DRC11: variants seen among roughly 807,000 people sequenced by gnomAD.
DRC11 encodes dynein regulatory complex subunit 11.
At chr2:236,484,245 A>G in the DRC11 span, among the ~76,000 whole-genome samples, 1 of 152,236 alleles carries the variant, frequency 6.6e-6, no homozygotes, top group African/African-American at 2.4e-5. Context: ...GGCAAAATGT[A>G]TTTCAAATTG....
chr2:236,428,314 C>A, the DRC11 span, among the ~76,000 whole-genome samples: 1 of 152,042 alleles, frequency 6.6e-6, no homozygotes, highest in Non-Finnish European at 1.5e-5. Context: ...ATGATCTGTT[C>A]ATTGTTGAAA....
At chr2:236,431,357 C>T in the DRC11 span, among the ~76,000 whole-genome samples, 2 of 152,176 alleles carry the variant, frequency 1.3e-5, no homozygotes, top group East Asian at 1.9e-4. This position sits in a 1 kb window ranked among gnomAD's most constrained non-coding sequence, Gnocchi z 4.2. Flanking sequence ...GAAGCAAACA[C>T]GTCCTTCTTC....
the DRC11 span, among the ~76,000 whole-genome samples, chr2:236,473,845 G>C: frequency 6.6e-6 from 1 of 151,974 alleles, no homozygotes; most frequent in East Asian, 1.9e-4. This position sits in a 1 kb window ranked among gnomAD's most constrained non-coding sequence, Gnocchi z 4.8. Flanking sequence ...AATGCATGAT[G>C]ATGTCTCTTG....
At chr2:236,392,475 T>C in the DRC11 span, 13 of 548,008 alleles carry the variant, frequency 2.4e-5, no homozygotes, top group East Asian at 5.9e-5. The surrounding 1 kb of genome is among the most constrained non-coding windows in gnomAD (Gnocchi z 5.1). Flanking sequence ...CCTAACTTTA[T>C]ATGTTATTGC....
chr2:236,414,668 G>C, the DRC11 span, among the ~76,000 whole-genome samples: 1 of 152,014 alleles, frequency 6.6e-6, no homozygotes, highest in Non-Finnish European at 1.5e-5. Flanking sequence ...CTGAGCTGAA[G>C]ACGAACATCC....
chr2:236,408,651 T>A, the DRC11 span: 1 of 722,612 alleles, frequency 1.4e-6, no homozygotes, highest in Non-Finnish European at 2.6e-6. The surrounding 1 kb of genome is among the most constrained non-coding windows in gnomAD (Gnocchi z 5.5). Context: ...CTTCTTGCCA[T>A]CCATATTCTG....
chr2:236,440,181 T>G, the DRC11 span, among the ~76,000 whole-genome samples: 1 of 152,186 alleles, frequency 6.6e-6, no homozygotes, highest in South Asian at 2.1e-4. Context: ...TAATAGAAAT[T>G]CAAATAAAAT....
the DRC11 span, among the ~76,000 whole-genome samples, chr2:236,439,795 T>C: frequency 6.6e-6 from 1 of 152,194 alleles, no homozygotes; most frequent in Non-Finnish European, 1.5e-5. Flanking sequence ...GACATTTTTT[T>C]CCAACAGATT....
At chr2:236,447,000 C>G in the DRC11 span, among the ~76,000 whole-genome samples, 1 of 151,482 alleles carries the variant, frequency 6.6e-6, no homozygotes, top group East Asian at 1.9e-4. The surrounding 1 kb of genome is among the most constrained non-coding windows in gnomAD (Gnocchi z 6.2). Context: ...ATCAGACACT[C>G]CCCCGTAGAT....
chr2:236,343,103 G>A, the DRC11 span, among the ~76,000 whole-genome samples: 3 of 152,094 alleles, frequency 2.0e-5, no homozygotes, highest in Admixed American at 6.5e-5. The surrounding 1 kb of genome is among the most constrained non-coding windows in gnomAD (Gnocchi z 6.6). Context: ...CCGCAGGCTC[G>A]GCTGCTTCTT....
chr2:236,322,449 T>G, the DRC11 span, among the ~76,000 whole-genome samples: 5 of 152,194 alleles, frequency 3.3e-5, no homozygotes, highest in South Asian at 4.2e-4. Context: ...GGTTTCACTG[T>G]GTTAGCCAGG....
chr2:236,398,849 A>G, the DRC11 span, among the ~76,000 whole-genome samples: 24 of 152,308 alleles, frequency 1.6e-4, no homozygotes, highest in South Asian at 1.7e-3. The surrounding 1 kb of genome is among the most constrained non-coding windows in gnomAD (Gnocchi z 6.2). Context: ...CAATCTAAAA[A>G]TATGTTTCTT....
chr2:236,491,648 GGGAA>G, the DRC11 span, among the ~76,000 whole-genome samples: 2 of 152,152 alleles, frequency 1.3e-5, no homozygotes, highest in Admixed American at 1.3e-4. Flanking sequence ...ATTCCTTTCA[GGGAA>G]TGAAGTGTGA....
the DRC11 span, among the ~76,000 whole-genome samples, chr2:236,447,751 T>G: frequency 6.6e-6 from 1 of 152,196 alleles, no homozygotes; most frequent in African/African-American, 2.4e-5. The surrounding 1 kb of genome is among the most constrained non-coding windows in gnomAD (Gnocchi z 4.6). Context: ...CCAGGTTATA[T>G]TTTTCATGTG....
the DRC11 span, among the ~76,000 whole-genome samples, chr2:236,356,147 C>T: frequency 6.6e-6 from 1 of 151,832 alleles, no homozygotes; most frequent in East Asian, 2.0e-4. Flanking sequence ...GGTCACCAAG[C>T]AGAGGGGAGG....
chr2:236,408,094 A>T, the DRC11 span: 18 of 624,152 alleles, frequency 2.9e-5, no homozygotes, highest in African/African-American at 2.4e-4. The surrounding 1 kb of genome is among the most constrained non-coding windows in gnomAD (Gnocchi z 5.5). Flanking sequence ...GCCACTGGTC[A>T]CTTCACCATA....
At chr2:236,408,268 G>A in the DRC11 span, 1 of 859,792 alleles carries the variant, frequency 1.2e-6, no homozygotes, top group South Asian at 1.3e-5. This position sits in a 1 kb window ranked among gnomAD's most constrained non-coding sequence, Gnocchi z 5.5. Context: ...TTTCTGCCCA[G>A]CACGTGCCAC....
the DRC11 span, among the ~76,000 whole-genome samples, chr2:236,334,624 C>T: frequency 1.3e-5 from 2 of 152,238 alleles, no homozygotes; most frequent in South Asian, 4.2e-4. The surrounding 1 kb of genome is among the most constrained non-coding windows in gnomAD (Gnocchi z 7.8). Flanking sequence ...CTTTGGCTCC[C>T]CTTCATCTGC....
the DRC11 span, among the ~76,000 whole-genome samples, chr2:236,382,541 G>A: frequency 6.6e-6 from 1 of 152,064 alleles, no homozygotes; most frequent in Non-Finnish European, 1.5e-5. Flanking sequence ...ATATCCTAAT[G>A]GACATTTTTA....
Sources: gnomAD v4.1 joint callset for allele counts (sites outside exome capture counted in the v4.1 genomes callset) on GRCh38, gnomAD v4.1.1 for gene constraint, Gnocchi (gnomAD v3.1) non-coding constraint, MANE v1.5 for transcripts, NCBI Gene and HGNC (gene_info 2026-07-23, HGNC 2026-07-21) for gene names.